HERC1: variants seen among roughly 807,000 people sequenced by gnomAD.
HERC1 encodes the protein HECT and RLD domain containing E3 ubiquitin protein ligase family member 1, also known as probable E3 ubiquitin-protein ligase HERC1.
A neutral mutation model predicts 554.3 loss-of-function variants in HERC1; 160 were observed. The ratio of observed to expected loss-of-function variants is 0.29; its 90% confidence interval spans 0.25 to 0.33. The LOEUF (loss-of-function observed/expected upper bound fraction) is 0.33, where lower values mean the gene tolerates loss of function less well. Ranked by LOEUF, HERC1 falls within the 10% of genes least tolerant of loss-of-function variation. The pLI is 1.00. For synonymous variants in HERC1, 2,175 were observed against 2,131.7 expected (o/e 1.02, Z -0.56); for missense variants, 4,919 against 5,918.5 (o/e 0.83, Z 5.54).
intron 1 of HERC1, among the ~76,000 whole-genome samples, chr15:63,790,221 A>G (rs1170660409): frequency 6.6e-6 from 1 of 152,194 alleles, no homozygotes; most frequent in East Asian, 1.9e-4. Context: ...TATTATGATC[A>G]TTATCATTTT....
At chr15:63,740,895 T>G (rs568400705) in intron 12 of HERC1, among the ~76,000 whole-genome samples, 1 of 152,332 alleles carries the variant, frequency 6.6e-6, no homozygotes, top group East Asian at 1.9e-4. Flanking sequence ...CTTGAAAGTA[T>G]CCTTTGAAGC....
chr15:63,717,612 G>A (rs1189008694), intron 21 of HERC1, among the ~76,000 whole-genome samples: 2 of 152,186 alleles, frequency 1.3e-5, no homozygotes, highest in African/African-American at 4.8e-5. Context: ...CTAGCATTTT[G>A]GGAGGCCGAG....
chr15:63,790,798 T>C (rs535952035), intron 1 of HERC1, among the ~76,000 whole-genome samples: 2 of 151,486 alleles, frequency 1.3e-5, no homozygotes, highest in African/African-American at 4.8e-5. Flanking sequence ...TTTTTAATTC[T>C]CTGTACTTCT....
chr15:63,665,855 T>C (rs2070603538), intron 42 of HERC1, 64 bp downstream of exon 42: 2 of 1,162,756 alleles, frequency 1.7e-6, no homozygotes, highest in Admixed American at 2.0e-5. Context: ...TGACGGGATA[T>C]ATAATAAATG....
At chr15:63,798,942 C>A (rs1057420532) in intron 1 of HERC1, among the ~76,000 whole-genome samples, 1 of 152,074 alleles carries the variant, frequency 6.6e-6, no homozygotes, top group Non-Finnish European at 1.5e-5. Context: ...TGTCCCAATT[C>A]CAAACTCAAA....
At chr15:63,790,586 AT>A (rs543195281) in intron 1 of HERC1, among the ~76,000 whole-genome samples, 231 of 147,436 alleles carry the variant, frequency 1.6e-3, no homozygotes, top group African/African-American at 5.2e-3. Context: ...TCAAAAAAAA[AT>A]TTTTTTTTTA....
chr15:63,741,335 T>G (rs1203610132), intron 12 of HERC1, among the ~76,000 whole-genome samples: 1 of 151,380 alleles, frequency 6.6e-6, no homozygotes, highest in Non-Finnish European at 1.5e-5. Flanking sequence ...CCCATCTTTT[T>G]TTTTTTGAGA....
intron 14 of HERC1, among the ~76,000 whole-genome samples, chr15:63,732,647 A>G (rs1319152724): frequency 6.6e-6 from 1 of 152,218 alleles, no homozygotes; most frequent in Non-Finnish European, 1.5e-5. Flanking sequence ...TCCCTTGCTC[A>G]TTATTCTTCT....
chr15:63,782,521 G>A (rs945571385), intron 1 of HERC1, among the ~76,000 whole-genome samples: 7 of 152,144 alleles, frequency 4.6e-5, no homozygotes, highest in Non-Finnish European at 1.0e-4. Flanking sequence ...CACTGACAAC[G>A]CACCTAGTCA....
rs1283828427 is a variant in HERC1 at position 63,758,476 on chromosome 15, A to C, written c.1027-107T>G. On this transcript the variant is annotated intron_variant, in intron 3 of 77. Transcript: ENST00000443617. This position sits in a 1 kb window ranked among gnomAD's most constrained non-coding sequence, Gnocchi z 4.0. ...TGTTGCCTTTCCTTCCAACACTCTC[A>C]AATGCTCAAAGAACCTATTAAATAA... The C allele has an allele frequency of 1.4e-6, 1 of 693,028 alleles. No homozygotes were observed. The highest frequency in any genetic ancestry group is 2.3e-6 in the Non-Finnish European group (1 of 427,580). The allele number at this position is 693,028 out of a possible 1,614,324, so 42.9% of individuals were successfully genotyped here.
intron 5 of HERC1, among the ~76,000 whole-genome samples, chr15:63,755,827 T>C (rs1246137147): frequency 6.6e-6 from 1 of 151,956 alleles, no homozygotes; most frequent in Non-Finnish European, 1.5e-5. Flanking sequence ...GGGAGATTAA[T>C]AAAAAGAGAA....
At chr15:63,634,512 T>C (rs961641338) in intron 66 of HERC1, among the ~76,000 whole-genome samples, 1 of 152,184 alleles carries the variant, frequency 6.6e-6, no homozygotes, top group Non-Finnish European at 1.5e-5. Context: ...CGTCCTGAAA[T>C]AAGGGTTACA....
intron 37 of HERC1, 194 bp from the exon 38 acceptor site, chr15:63,675,311 A>C: frequency 2.1e-6 from 1 of 485,962 alleles, no homozygotes; most frequent in Non-Finnish European, 3.6e-6. Context: ...TGTGATACTA[A>C]ATGCAGAAGC....
intron 1 of HERC1, among the ~76,000 whole-genome samples, chr15:63,788,191 A>C (rs2076518303): frequency 6.6e-6 from 1 of 152,138 alleles, no homozygotes. Flanking sequence ...CTATTCTATA[A>C]TCCAGTACAA....
chr15:63,736,426 C>T (rs1028820246), intron 12 of HERC1, among the ~76,000 whole-genome samples: 3 of 152,206 alleles, frequency 2.0e-5, no homozygotes, highest in Non-Finnish European at 4.4e-5. Flanking sequence ...CTAGCAGTAG[C>T]TTAGAAGAGC....
chr15:63,659,579 A>C (rs756350795), intron 47 of HERC1, among the ~76,000 whole-genome samples, 157 bp downstream of exon 47: 5 of 152,208 alleles, frequency 3.3e-5, no homozygotes, highest in Non-Finnish European at 7.3e-5. Flanking sequence ...TTATACCTTC[A>C]AAATGTTAAA....
intron 64 of HERC1, chr15:63,636,941 G>C: frequency 3.2e-6 from 1 of 317,248 alleles, no homozygotes; most frequent in Non-Finnish European, 6.3e-6. Context: ...AAGAACCTGA[G>C]CTTCTAGGAA....
At chr15:63,808,487 T>C (rs1353363133) in intron 1 of HERC1, among the ~76,000 whole-genome samples, 2 of 152,186 alleles carry the variant, frequency 1.3e-5, no homozygotes, top group African/African-American at 4.8e-5. Flanking sequence ...GGTCTCACTA[T>C]GTTGCCAAGG....
At chr15:63,824,386 T>C (rs1010581519) in intron 1 of HERC1, among the ~76,000 whole-genome samples, 3 of 151,836 alleles carry the variant, frequency 2.0e-5, no homozygotes, top group Non-Finnish European at 2.9e-5. Flanking sequence ...ACAAAAAAAT[T>C]AGCCGGGTGT....
Sources: gnomAD v4.1 joint callset for allele counts (sites outside exome capture counted in the v4.1 genomes callset) on GRCh38, gnomAD v4.1.1 for gene constraint, Gnocchi (gnomAD v3.1) non-coding constraint, MANE v1.5 for transcripts, NCBI Gene and HGNC (gene_info 2026-07-23, HGNC 2026-07-21) for gene names.